NAV2: variants seen among roughly 807,000 people sequenced by gnomAD.
The protein encoded by NAV2 is neuron navigator 2.
A neutral mutation model predicts 223.2 loss-of-function variants in NAV2; 54 were observed. The ratio of observed to expected loss-of-function variants is 0.24; its 90% CI spans 0.19 to 0.30. NAV2 has a LOEUF of 0.30. Ranked by LOEUF, NAV2 falls within the 10% of genes least tolerant of loss-of-function variation. The pLI is 1.00. For synonymous variants in NAV2, 1,279 were observed against 1,239.3 expected (o/e 1.03, Z -0.67); for missense variants, 2,806 against 3,147.5 (o/e 0.89, Z 2.60).
At position 19,934,018 on chromosome 11, in the gene NAV2, G is replaced by A. The variant is rs1270591360; in HGVS notation, c.1774G>A (p.Gly592Arg). The A allele has an allele frequency of 6.3e-7, 1 of 1,594,916 alleles. No individual in the cohort carries two copies. The highest frequency in any genetic ancestry group is 1.3e-5 in the African/African-American group (1 of 74,234). ...CAAGGAAGGGGAGCGGAGCCGGAGT[G>A]GGAAGCTGAGCTCAGGACTCCCCCA... ...PSKEGERSRS[G>R]KLSSGLPQQK... Residue 592 changes from glycine (G) to arginine (R), a missense_variant, in exon 7 of 38, where the codon GGG (glycine) becomes AGG (arginine). Physicochemically the swap from Gly to Arg is moderately radical, Grantham distance 125 (BLOSUM62 -2). Transcript: ENST00000349880.
intron 1 of NAV2, among the ~76,000 whole-genome samples, chr11:19,566,699 T>C (rs1379194881): frequency 6.6e-6 from 1 of 152,164 alleles, no homozygotes. Flanking sequence ...AGAGAATCCA[T>C]ATTTATGAAA....
intron 2 of NAV2, among the ~76,000 whole-genome samples, chr11:19,838,220 C>T (rs922298506): frequency 6.6e-6 from 1 of 152,168 alleles, no homozygotes; most frequent in African/African-American, 2.4e-5. Context: ...TAAGGGACAG[C>T]CGCTTTCTAG....
chr11:20,047,594 A>T (rs2057572906), intron 14 of NAV2, among the ~76,000 whole-genome samples: 1 of 152,234 alleles, frequency 6.6e-6, no homozygotes. Flanking sequence ...GGTCCCTGTC[A>T]TCACTGGAAG....
chr11:19,930,065 G>A (rs1163680186), intron 6 of NAV2, among the ~76,000 whole-genome samples: 1 of 152,154 alleles, frequency 6.6e-6, no homozygotes, highest in Non-Finnish European at 1.5e-5. Flanking sequence ...AGTTCTAGGG[G>A]GCGGGAGCTT....
chr11:19,581,659 T>C (rs1380733689), intron 1 of NAV2, among the ~76,000 whole-genome samples: 3 of 152,198 alleles, frequency 2.0e-5, no homozygotes, highest in Non-Finnish European at 4.4e-5. Flanking sequence ...AATGATGGTT[T>C]CCAGCTTCAT....
chr11:19,733,876 T>C (rs2052037513), intron 1 of NAV2, among the ~76,000 whole-genome samples: 1 of 152,130 alleles, frequency 6.6e-6, no homozygotes, highest in African/African-American at 2.4e-5. Flanking sequence ...GTGATAGTGA[T>C]GGTGATGGTT....
At chr11:19,901,374 C>T (rs769499176) in intron 6 of NAV2, among the ~76,000 whole-genome samples, 4 of 152,128 alleles carry the variant, frequency 2.6e-5, no homozygotes, top group Non-Finnish European at 5.9e-5. Context: ...GAGCAAAACC[C>T]TGTCTCTAAT....
At chr11:19,673,904 T>C (rs2048641504) in intron 1 of NAV2, among the ~76,000 whole-genome samples, 1 of 152,212 alleles carries the variant, frequency 6.6e-6, no homozygotes. Flanking sequence ...CTGCCCTTCC[T>C]TTTCCTGCCC....
intron 1 of NAV2, among the ~76,000 whole-genome samples, chr11:19,363,447 C>CT (rs1854078236): frequency 6.6e-6 from 1 of 152,114 alleles, no homozygotes; most frequent in Admixed American, 6.6e-5. Context: ...GGTGAGAAAA[C>CT]TTAGGTTGAA....
chr11:19,897,867 G>A (rs1009560331), intron 6 of NAV2, among the ~76,000 whole-genome samples: 6 of 121,680 alleles, frequency 4.9e-5, no homozygotes, highest in Non-Finnish European at 1.7e-5. Flanking sequence ...ATGAGCCACA[G>A]CTGTGCCTGA....
rs368346833 is a variant in NAV2 at position 19,683,859 on chromosome 11, C to A, written c.76-148625C>A. On this transcript the variant is annotated intron_variant, in intron 1 of 37. Transcript: ENST00000360655. ...TCAGGATATTAAATTGTATCTTCAACAATATAATTTTATTAAGTTTTAAAA... is the reference window on the plus strand; with the variant it reads ...TCAGGATATTAAATTGTATCTTCAAAAATATAATTTTATTAAGTTTTAAAA... 2.0e-4 allele frequency among the ~76,000 whole-genome samples: 31 copies of A among 152,302 alleles called. No individual in the cohort carries two copies. In the East Asian group the frequency reaches 5.6e-3, roughly 27 times the overall value.
chr11:19,630,886 A>G (rs1387925028), intron 1 of NAV2, among the ~76,000 whole-genome samples: 1 of 147,392 alleles, frequency 6.8e-6, no homozygotes, highest in Non-Finnish European at 1.5e-5. Context: ...AAAAAGAAAC[A>G]CACATACACG....
At chr11:19,468,653 T>A (rs1370558272) in intron 1 of NAV2, among the ~76,000 whole-genome samples, 1 of 152,196 alleles carries the variant, frequency 6.6e-6, no homozygotes, top group Non-Finnish European at 1.5e-5. Context: ...GGATTAGGAC[T>A]TCAATATATC....
At chr11:19,522,197 C>T (rs1408870136) in intron 1 of NAV2, among the ~76,000 whole-genome samples, 1 of 152,234 alleles carries the variant, frequency 6.6e-6, no homozygotes, top group Non-Finnish European at 1.5e-5. Flanking sequence ...ACCACACAGC[C>T]TCCCTCTTCT....
intron 3 of NAV2, among the ~76,000 whole-genome samples, chr11:19,862,479 C>T (rs866914282): frequency 1.3e-5 from 2 of 152,172 alleles, no homozygotes; most frequent in South Asian, 2.1e-4. Flanking sequence ...GACAGAGTCA[C>T]GGAGCCCCTC....
At chr11:19,639,871 C>A (rs543064642) in intron 1 of NAV2, among the ~76,000 whole-genome samples, 4 of 152,168 alleles carry the variant, frequency 2.6e-5, no homozygotes, top group African/African-American at 9.7e-5. Context: ...CCCCTAGAAA[C>A]TGGTAGCAGG....
intron 32 of NAV2, 65 bp downstream of exon 32, chr11:20,101,237 A>G: frequency 8.1e-7 from 1 of 1,236,470 alleles, no homozygotes; most frequent in Non-Finnish European, 1.2e-6. Context: ...TATCACCACT[A>G]GCCTGAAGGG....
intron 1 of NAV2, among the ~76,000 whole-genome samples, chr11:19,397,918 G>T (rs1849527399): frequency 6.6e-6 from 1 of 152,198 alleles, no homozygotes; most frequent in Non-Finnish European, 1.5e-5. Flanking sequence ...AAGGGCAGCA[G>T]CAGTGCCTCT....
intron 30 of NAV2, among the ~76,000 whole-genome samples, chr11:20,096,773 C>T (rs1171839070): frequency 6.6e-6 from 1 of 152,202 alleles, no homozygotes; most frequent in African/African-American, 2.4e-5. Flanking sequence ...TGGTCCCCAT[C>T]CTGGTAAGCC....
Sources: allele counts gnomAD v4.1 joint callset (sites outside exome capture counted in the v4.1 genomes callset), GRCh38; gene constraint gnomAD v4.1.1; transcripts MANE v1.5; gene names NCBI Gene and HGNC (gene_info 2026-07-23, HGNC 2026-07-21).